Variants in GLRA3 observed in about 807,000 individuals in gnomAD.
GLRA3 encodes the protein glycine receptor alpha 3.
Under a neutral mutation model 60.4 loss-of-function variants are expected in GLRA3, and 44 were observed. That is an observed-to-expected ratio of 0.73 (90% CI 0.57 to 0.94). The LOEUF is 0.94. Among genes scored for constraint, GLRA3 ranks in the 40% least tolerant of loss-of-function variants. GLRA3 has a pLI of 0.00. For synonymous variants in GLRA3, 223 were observed against 192.9 expected (o/e 1.16, Z -1.29); for missense variants, 508 against 564.6 (o/e 0.90, Z 1.02).
At chr4:174,657,175 T>A (rs1012398508) in intron 8 of GLRA3, among the ~76,000 whole-genome samples, 12 of 152,160 alleles carry the variant, frequency 7.9e-5, no homozygotes, top group African/African-American at 2.9e-4. Context: ...CACTTTTACA[T>A]GTGGTAAAAC....
At position 174,643,903 on chromosome 4, in the gene GLRA3, C is replaced by T; in HGVS notation, c.1278G>A (p.Lys426=). Residue 426 remains lysine, a synonymous_variant, in exon 10 of 10, where the codon AAG becomes AAA. Coordinates refer to ENST00000274093, the MANE Select transcript of GLRA3 (RefSeq NM_006529.4). ...AGGCTCGGGAGATGGTATCAATCTT[C>T]TTGGCCCGGTCGATAAAGACCTTCC... is the stretch of plus-strand genomic sequence containing the variant. ...EMRKVFIDRA[K]KIDTISRACF... is the part of the protein sequence containing the mutation. 1 of 1,614,092 alleles carries T rather than the reference C, an allele frequency of 6.2e-7. No individual in the cohort carries two copies. Among genetic ancestry groups the T allele is most frequent in the East Asian group, 2.2e-5 (1 of 44,872 alleles).
In GLRA3 at chr4:174,644,049, C is replaced by T. The variant is rs1045476641; in HGVS notation, c.1132G>A (p.Glu378Lys). The T allele has an allele frequency of 1.2e-6, 2 of 1,609,116 alleles. No homozygotes were observed. The highest frequency in any genetic ancestry group is 1.1e-5 in the South Asian group (1 of 90,620). The change falls in exon 10 of 10, where the codon GAA becomes AAA. Residue 378 changes from glutamate (E) to lysine (K), a missense_variant. Around this residue, in one of 3 missense-constraint regions of GLRA3, gnomAD observed 176 missense variants for 197.9 expected, o/e 0.89. Coordinates refer to ENST00000274093, the MANE Select transcript of GLRA3 (RefSeq NM_006529.4). ...TAGGCTGTGAAGCTGAATCGGCTTT[C>T]CCTTACCTCATCATCCTGTCAAAGA... ...RFSDMDDEVR[E>K]SRFSFTAYGM...
At chr4:174,718,432 A>G (rs952058973) in intron 4 of GLRA3, among the ~76,000 whole-genome samples, 2 of 152,234 alleles carry the variant, frequency 1.3e-5, no homozygotes, top group African/African-American at 4.8e-5. Flanking sequence ...GTCTTGGGAA[A>G]GACTTTTAAC....
chr4:174,729,434 T>C (rs929755149), intron 3 of GLRA3, among the ~76,000 whole-genome samples: 1 of 152,176 alleles, frequency 6.6e-6, no homozygotes, highest in African/African-American at 2.4e-5. Context: ...AAAAGCTGAT[T>C]TTATAATAAT....
At position 174,682,853 on chromosome 4, in the gene GLRA3, G is replaced by A; in HGVS notation, c.661C>T (p.Leu221=). 6.2e-7 allele frequency: 1 copy of A among 1,612,838 alleles called. No individual in the cohort carries two copies. The highest frequency in any genetic ancestry group is 1.1e-5 in the South Asian group (1 of 91,062). Reference sequence around the variant, plus strand: ...CGTAAATCTTTTTCTTCTTTCAACAGAAACTGGGGCAAAGTGAGTCCTTCT... The same window carrying A: ...CGTAAATCTTTTTCTTCTTTCAACAAAAACTGGGGCAAAGTGAGTCCTTCT... The part of the protein sequence containing the change: ...VAEGLTLPQF[L]LKEEKDLRYC... Residue 221 remains leucine (L), a synonymous_variant, in exon 6 of 10, where the codon CTG becomes TTG. Coordinates refer to ENST00000274093, the MANE Select transcript of GLRA3 (RefSeq NM_006529.4).
chr4:174,721,459 C>T (rs1201711134), intron 4 of GLRA3, among the ~76,000 whole-genome samples: 1 of 148,410 alleles, frequency 6.7e-6, no homozygotes, highest in Non-Finnish European at 1.5e-5. Flanking sequence ...CATATATATA[C>T]ACACATATAT....
At chr4:174,817,401 T>C in intron 1 of GLRA3, among the ~76,000 whole-genome samples, 1 of 152,146 alleles carries the variant, frequency 6.6e-6, no homozygotes, top group Non-Finnish European at 1.5e-5. Context: ...CTTTCTTTCT[T>C]TTACTCTTGA....
intron 5 of GLRA3, among the ~76,000 whole-genome samples, chr4:174,697,186 G>A (rs1004873757): frequency 3.3e-5 from 5 of 152,142 alleles, no homozygotes; most frequent in African/African-American, 4.8e-5. Flanking sequence ...AGTTGAAAAC[G>A]AGTTTAAAGA....
rs564871895 is a variant in GLRA3 at position 174,744,622 on chromosome 4, C to G, written c.268-15924G>C. 1.8e-4 allele frequency among the ~76,000 whole-genome samples: 27 copies of G among 152,280 alleles called. No individual in the cohort carries two copies. The South Asian group carries it at 4.1e-3, about 23-fold the overall frequency. ...CAGAATCAAAGCCAAAGGGTTCTAACCAATTGAAACCATTGATACATATTC... is the reference window on the plus strand; with the variant it reads ...CAGAATCAAAGCCAAAGGGTTCTAAGCAATTGAAACCATTGATACATATTC... On this transcript the variant is annotated intron_variant, in intron 3 of 9. Transcript: ENST00000274093.
chr4:174,817,011 C>G (rs374702992), intron 1 of GLRA3, among the ~76,000 whole-genome samples: 1 of 152,082 alleles, frequency 6.6e-6, no homozygotes. Flanking sequence ...TGCTCCTTTC[C>G]TACCTGTCAC....
At chr4:174,775,764 G>A (rs1345222819) in intron 2 of GLRA3, among the ~76,000 whole-genome samples, 1 of 152,068 alleles carries the variant, frequency 6.6e-6, no homozygotes, top group African/African-American at 2.4e-5. Context: ...AGTTTCAGAT[G>A]ACACCTTGAA....
In GLRA3 at chr4:174,682,838, T is replaced by C. The variant is rs1734406527; in HGVS notation, c.676A>G (p.Lys226Glu). ...TLPQFLLKEE[K>E]DLRYCTKHYN... ...TGTTTAGTGCAGTATCGTAAATCTT[T>C]TTCTTCTTTCAACAGAAACTGGGGC... Residue 226 changes from lysine (K) to glutamate (E), a missense_variant, in exon 6 of 10, where the codon AAA (lysine) becomes GAA (glutamate). By Grantham distance (56) the Lys-to-Glu change is moderately conservative (BLOSUM62 1). Transcript: ENST00000274093. 1 of 1,613,234 alleles carries C rather than the reference T, an allele frequency of 6.2e-7. No individual in the cohort carries two copies. Among genetic ancestry groups the C allele is most frequent in the African/African-American group, 1.3e-5 (1 of 74,910 alleles).
At chr4:174,648,043 T>G (rs1304833162) in intron 9 of GLRA3, among the ~76,000 whole-genome samples, 1 of 152,174 alleles carries the variant, frequency 6.6e-6, no homozygotes, top group Non-Finnish European at 1.5e-5. Flanking sequence ...GATGCAGTAG[T>G]GTGAAAAGTA....
chr4:174,793,680 C>G (rs1739452930), intron 1 of GLRA3, among the ~76,000 whole-genome samples: 1 of 152,196 alleles, frequency 6.6e-6, no homozygotes, highest in South Asian at 2.1e-4. Context: ...GCATGAGCCA[C>G]TGCACCTGGC....
chr4:174,828,526 A>G (rs1741070897), intron 1 of GLRA3, among the ~76,000 whole-genome samples: 1 of 152,226 alleles, frequency 6.6e-6, no homozygotes, highest in Non-Finnish European at 1.5e-5. Flanking sequence ...GCAAGATGCC[A>G]GTTACTAAAA....
chr4:174,787,276 A>G (rs560086736), intron 2 of GLRA3, among the ~76,000 whole-genome samples: 1 of 152,182 alleles, frequency 6.6e-6, no homozygotes, highest in Admixed American at 6.5e-5. Flanking sequence ...TTTAATTTTC[A>G]GTTAAAAGAA....
chr4:174,757,564 CA>C (rs1737770779), intron 3 of GLRA3, among the ~76,000 whole-genome samples: 2 of 152,088 alleles, frequency 1.3e-5, no homozygotes, highest in African/African-American at 2.4e-5. Context: ...TCCCAGTGGC[CA>C]AACTGAACAA....
At chr4:174,773,969 CCCA>C (rs1738494010) in intron 2 of GLRA3, among the ~76,000 whole-genome samples, 5 of 151,420 alleles carry the variant, frequency 3.3e-5, no homozygotes, top group Admixed American at 2.6e-4. Context: ...AAAATGTACA[CCCA>C]CAATAGGGAA....
intron 1 of GLRA3, among the ~76,000 whole-genome samples, chr4:174,804,009 T>A (rs1739927257): frequency 6.6e-6 from 1 of 152,188 alleles, no homozygotes; most frequent in South Asian, 2.1e-4. Context: ...TGGTTTTTTA[T>A]AGCCCAACTG....
Sources: allele counts gnomAD v4.1 joint callset (sites outside exome capture counted in the v4.1 genomes callset), GRCh38; gene constraint gnomAD v4.1.1; regional missense constraint gnomAD v4.1.1; transcripts MANE v1.5; gene names NCBI Gene and HGNC (gene_info 2026-07-23, HGNC 2026-07-21).